Variants in DGKB observed in about 807,000 individuals in gnomAD.
DGKB encodes 90 kDa diacylglycerol kinase.
A neutral mutation model predicts 114.3 loss-of-function variants in DGKB; 67 were observed. The observed-to-expected ratio is 0.59, with a 90% CI of 0.48 to 0.72. The LOEUF (loss-of-function observed/expected upper bound fraction) is 0.72, where lower values mean the gene tolerates loss of function less well. Ranked by LOEUF, DGKB falls within the 30% of genes least tolerant of loss-of-function variation. The probability of loss-of-function intolerance (pLI) is 0.00; values close to 1 mark genes in which losing one functional copy is unlikely to be tolerated. For missense variants in DGKB, 907 were observed against 975.2 expected, an observed-to-expected ratio of 0.93 and a Z score of 0.93; for synonymous variants, 398 against 323.1, an observed-to-expected ratio of 1.23 and a Z score of -2.49.
chr7:14,340,987 C>T (rs974874730), intron 22 of DGKB, among the ~76,000 whole-genome samples: 2 of 148,610 alleles, frequency 1.3e-5, no homozygotes, highest in African/African-American at 2.5e-5. Context: ...AAAGAGGCTT[C>T]TTTTTTTTTT....
chr7:14,231,716 C>T (rs1427238731), intron 23 of DGKB, among the ~76,000 whole-genome samples: 4 of 151,676 alleles, frequency 2.6e-5, no homozygotes, highest in African/African-American at 7.3e-5. Flanking sequence ...AAAAATAAAA[C>T]TCATACTGTG....
At chr7:14,226,462 G>T (rs1472705792) in intron 23 of DGKB, among the ~76,000 whole-genome samples, 1 of 151,908 alleles carries the variant, frequency 6.6e-6, no homozygotes, top group South Asian at 2.1e-4. Context: ...AAAGAGAAAA[G>T]ACAGTTTCTA....
At chr7:14,393,597 G>C (rs1396533725) in intron 21 of DGKB, among the ~76,000 whole-genome samples, 2 of 152,080 alleles carry the variant, frequency 1.3e-5, no homozygotes, top group Non-Finnish European at 2.9e-5. Flanking sequence ...CAATCCCAGT[G>C]CCAGTGTATC....
At chr7:14,602,730 T>C (rs1277566728) in intron 17 of DGKB, among the ~76,000 whole-genome samples, 1 of 152,154 alleles carries the variant, frequency 6.6e-6, no homozygotes, top group East Asian at 1.9e-4. Flanking sequence ...CTGTGAGAAA[T>C]AAATTTATGT....
intron 23 of DGKB, among the ~76,000 whole-genome samples, chr7:14,261,623 G>T (rs185057409): frequency 6.6e-6 from 1 of 152,060 alleles, no homozygotes; most frequent in African/African-American, 2.4e-5. Flanking sequence ...TCAATATATA[G>T]TCTATACATG....
intron 1 of DGKB, among the ~76,000 whole-genome samples, chr7:14,973,844 TA>T: frequency 6.8e-6 from 1 of 148,022 alleles, no homozygotes; most frequent in Non-Finnish European, 1.5e-5. Context: ...AAAATAAATC[TA>T]AAATATATTA....
intron 13 of DGKB, among the ~76,000 whole-genome samples, chr7:14,645,239 C>T (rs1426699316): frequency 6.6e-6 from 1 of 152,112 alleles, no homozygotes; most frequent in African/African-American, 2.4e-5. Flanking sequence ...TTCAGTGACT[C>T]AATACAATTC....
In DGKB at chr7:14,201,508, G is replaced by A. The variant is rs553513682; in HGVS notation, c.2123-23357C>T. The stretch of plus-strand genomic sequence containing the variant: ...GAGAGTGAAAGTTGCTTAGGAGGTA[G>A]AACTGACAGCATTATGAATAGCCAC... On this transcript the variant is annotated intron_variant, in intron 23 of 25. Transcript: ENST00000402815. Among the ~76,000 whole-genome samples, 7 of 152,096 alleles carry A rather than the reference G, an allele frequency of 4.6e-5. No individual in the cohort carries two copies. The South Asian group carries it at 1.0e-3, about 23-fold the overall frequency.
chr7:14,546,336 G>A (rs1169566778), intron 20 of DGKB, among the ~76,000 whole-genome samples: 1 of 151,794 alleles, frequency 6.6e-6, no homozygotes, highest in Non-Finnish European at 1.5e-5. Flanking sequence ...TCTTTACTAT[G>A]CAGAACATAT....
intron 20 of DGKB, among the ~76,000 whole-genome samples, chr7:14,556,371 T>G (rs539315499): frequency 1.3e-5 from 2 of 152,236 alleles, no homozygotes; most frequent in South Asian, 4.1e-4. Flanking sequence ...TCATTTCTAG[T>G]TGATGAATAT....
intron 21 of DGKB, among the ~76,000 whole-genome samples, chr7:14,400,814 T>A (rs1251479515): frequency 2.0e-5 from 3 of 151,800 alleles, no homozygotes; most frequent in Non-Finnish European, 4.4e-5. Context: ...ATAAGTATCT[T>A]ATTGAAAAAC....
At chr7:14,412,364 G>A (rs1825030186) in intron 21 of DGKB, among the ~76,000 whole-genome samples, 1 of 152,188 alleles carries the variant, frequency 6.6e-6, no homozygotes, top group African/African-American at 2.4e-5. Flanking sequence ...ACAATGTGAT[G>A]TGGAAGAATG....
Position 14,531,381 on chromosome 7 carries a change from A to T in DGKB, c.1770+42831T>A, listed in dbSNP as rs144743849. Among the ~76,000 whole-genome samples the T allele has an allele frequency of 2.0e-3, 306 of 151,616 alleles. 2 individuals carry two copies. Among genetic ancestry groups the T allele is most frequent in the African/African-American group, 7.1e-3 (296 of 41,546 alleles). On this transcript the variant is annotated intron_variant, in intron 20 of 25. Coordinates refer to ENST00000402815, the MANE Select transcript of DGKB (RefSeq NM_001350709.2). ...CAAGGGCACAAGATTCAAAATCAAT[A>T]CAGAAAAATTAACTATTTCTATATA...
chr7:14,869,368 C>G (rs571701138), intron 1 of DGKB, among the ~76,000 whole-genome samples: 1 of 152,136 alleles, frequency 6.6e-6, no homozygotes, highest in East Asian at 1.9e-4. Flanking sequence ...TCCGTAATTT[C>G]TTGTATATTT....
chr7:14,180,184 G>A lies in DGKB; in HGVS notation c.2123-2033C>T, dbSNP rs550054291. ...GCATTTAGTATTGTAGATTTTGCAC[G>A]GCCTGATTCCTAAATAGGTAGAATT... On this transcript the variant is annotated intron_variant, in intron 23 of 25. Transcript: ENST00000402815. Among the ~76,000 whole-genome samples, 10 of 142,196 alleles carry A rather than the reference G, an allele frequency of 7.0e-5. No individual in the cohort carries two copies. In the East Asian group the frequency reaches 8.6e-4, roughly 12 times the overall value. 93.3% of individuals were successfully genotyped at this position (142,196 alleles called of 152,430 possible). A position where few individuals can be genotyped will look rare whatever the true frequency, so the allele number is the denominator to read the frequency against.
intron 13 of DGKB, among the ~76,000 whole-genome samples, chr7:14,661,133 C>T (rs1049416981): frequency 1.2e-4 from 19 of 152,160 alleles, no homozygotes; most frequent in South Asian, 4.1e-4. Context: ...CCATTCGGGA[C>T]ATAGGCATGG....
chr7:14,897,562 GT>G (rs542793945), intron 1 of DGKB, among the ~76,000 whole-genome samples: 1 of 151,762 alleles, frequency 6.6e-6, no homozygotes, highest in African/African-American at 2.4e-5. Flanking sequence ...TACTATTTGG[GT>G]TTTTTTCCCT....
At chr7:14,846,580 G>C (rs10257070) in intron 1 of DGKB, among the ~76,000 whole-genome samples, 15,430 of 152,212 alleles carry the variant, frequency 0.1, 1,445 homozygotes, top group East Asian at 0.3. Context: ...ACAATATTCA[G>C]CTGAGATTCC....
intron 20 of DGKB, among the ~76,000 whole-genome samples, chr7:14,512,948 C>A (rs1788207210): frequency 6.6e-6 from 1 of 152,064 alleles, no homozygotes; most frequent in African/African-American, 2.4e-5. Context: ...GTCATTTATT[C>A]ATTCACCAAG....
Sources: allele counts gnomAD v4.1 joint callset (sites outside exome capture counted in the v4.1 genomes callset), GRCh38; gene constraint gnomAD v4.1.1; transcripts MANE v1.5; gene names NCBI Gene and HGNC (gene_info 2026-07-23, HGNC 2026-07-21).